CACNA2D3: variants seen among roughly 807,000 people sequenced by gnomAD.
CACNA2D3 encodes the protein calcium voltage-gated channel auxiliary subunit alpha2delta 3, also known as voltage-dependent calcium channel subunit alpha-2/delta-3.
Under a neutral mutation model 160.6 loss-of-function variants are expected in CACNA2D3, and 60 were observed. That is an observed-to-expected ratio of 0.37 (90% confidence interval 0.30 to 0.46). The LOEUF is 0.46. Among genes scored for constraint, CACNA2D3 ranks in the 20% least tolerant of loss-of-function variants. CACNA2D3 has a pLI of 1.00. For missense variants in CACNA2D3, 1,205 were observed against 1,365.0 expected, an observed-to-expected ratio of 0.88 and a Z score of 1.85; for synonymous variants, 558 against 492.9, an observed-to-expected ratio of 1.13 and a Z score of -1.75.
chr3:54,362,031 G>A (rs1399289006), intron 3 of CACNA2D3, among the ~76,000 whole-genome samples: 4 of 152,172 alleles, frequency 2.6e-5, no homozygotes, highest in Admixed American at 6.5e-5. Context: ...AGCATTTCCC[G>A]TAACTGATTT....
intron 4 of CACNA2D3, among the ~76,000 whole-genome samples, chr3:54,401,834 C>T (rs551892048): frequency 6.6e-6 from 1 of 152,134 alleles, no homozygotes; most frequent in South Asian, 2.1e-4. Context: ...TGGTAAAGGT[C>T]AAGTCCAGAA....
At chr3:54,438,808 G>A (rs867171902) in intron 4 of CACNA2D3, among the ~76,000 whole-genome samples, 1 of 152,184 alleles carries the variant, frequency 6.6e-6, no homozygotes, top group African/African-American at 2.4e-5. Context: ...TACAAATGAT[G>A]TACTTGATCT....
chr3:54,641,468 A>G (rs759907219), intron 10 of CACNA2D3, among the ~76,000 whole-genome samples: 2 of 152,222 alleles, frequency 1.3e-5, no homozygotes, highest in African/African-American at 2.4e-5. Flanking sequence ...ATAGATGGCA[A>G]ATATCTCTTT....
At chr3:54,839,218 A>G (rs1369413218) in intron 16 of CACNA2D3, among the ~76,000 whole-genome samples, 13 of 152,192 alleles carry the variant, frequency 8.5e-5, no homozygotes, top group African/African-American at 3.1e-4. Context: ...AAATCGCACC[A>G]CTGCACTGCA....
intron 35 of CACNA2D3, among the ~76,000 whole-genome samples, chr3:55,035,144 G>C (rs1703785961): frequency 6.6e-6 from 1 of 152,154 alleles, no homozygotes; most frequent in South Asian, 2.1e-4. Flanking sequence ...TAAGGTGCTA[G>C]GAGAAGCCTG....
At chr3:54,927,024 A>G (rs1001578264) in intron 27 of CACNA2D3, among the ~76,000 whole-genome samples, 1 of 152,230 alleles carries the variant, frequency 6.6e-6, no homozygotes, top group Non-Finnish European at 1.5e-5. Context: ...ATTTTACTAT[A>G]AAGTGGTAGA....
At chr3:54,927,944 C>T (rs775808922) in intron 27 of CACNA2D3, 13 of 1,611,588 alleles carry the variant, frequency 8.1e-6, no homozygotes, top group Non-Finnish European at 9.3e-6. Flanking sequence ...TTGCTGACCT[C>T]GTAGACCCTT....
chr3:55,036,304 G>A (rs532116699), intron 35 of CACNA2D3, among the ~76,000 whole-genome samples: 19 of 151,760 alleles, frequency 1.3e-4, no homozygotes, highest in Non-Finnish European at 2.1e-4. Flanking sequence ...AGAATTAGCC[G>A]GGCATGATGG....
chr3:54,564,713 C>A (rs1348094185), intron 6 of CACNA2D3, among the ~76,000 whole-genome samples: 1 of 152,156 alleles, frequency 6.6e-6, no homozygotes, highest in African/African-American at 2.4e-5. Context: ...CTATATGAGG[C>A]CCTGAGGATA....
chr3:54,525,885 T>A (rs765500218), intron 5 of CACNA2D3, among the ~76,000 whole-genome samples: 2 of 152,212 alleles, frequency 1.3e-5, no homozygotes, highest in African/African-American at 2.4e-5. Context: ...TTCAATAATT[T>A]TAGAAAGTTT....
At chr3:54,750,314 A>G (rs1252319658) in intron 11 of CACNA2D3, among the ~76,000 whole-genome samples, 2 of 152,204 alleles carry the variant, frequency 1.3e-5, no homozygotes, top group Admixed American at 6.5e-5. Context: ...CCTCAGAGGC[A>G]TCTCTTAGGC....
intron 2 of CACNA2D3, among the ~76,000 whole-genome samples, chr3:54,240,188 C>A (rs78518308): frequency 0.011 from 1,607 of 152,092 alleles, 25 homozygotes; most frequent in East Asian, 0.046. Flanking sequence ...GAAAAGAATT[C>A]ATTGGTGATG....
chr3:54,671,689 A>G (rs1024730430), intron 11 of CACNA2D3, among the ~76,000 whole-genome samples: 4 of 152,144 alleles, frequency 2.6e-5, no homozygotes, highest in African/African-American at 4.8e-5. Context: ...GCTCTCTCCC[A>G]GCAGAATTAT....
chr3:54,907,147 T>G (rs1274063660), intron 27 of CACNA2D3, among the ~76,000 whole-genome samples: 1 of 152,172 alleles, frequency 6.6e-6, no homozygotes, highest in African/African-American at 2.4e-5. Context: ...TACCTGCTTG[T>G]GTGTTCTAAA....
rs139481103 is a variant in CACNA2D3, at chr3:54,474,108, T to C, written c.382-29384T>C. Among the ~76,000 whole-genome samples the C allele has an allele frequency of 5.3e-3, 812 of 152,330 alleles. 10 individuals carry two copies. The highest frequency in any genetic ancestry group is 0.017 in the African/African-American group (708 of 41,560). ...ACAGACATATGCACGCATATGTTTATTGCAGCACTATTCACAATAGCAAAG... is the reference window on the plus strand; with the variant it reads ...ACAGACATATGCACGCATATGTTTACTGCAGCACTATTCACAATAGCAAAG... On this transcript the variant is annotated intron_variant, in intron 4 of 37. Transcript: ENST00000474759.
At chr3:54,606,149 T>C (rs1412784834) in intron 9 of CACNA2D3, among the ~76,000 whole-genome samples, 1 of 151,972 alleles carries the variant, frequency 6.6e-6, no homozygotes, top group Non-Finnish European at 1.5e-5. Context: ...TAACTTTATA[T>C]ATATATATAT....
chr3:54,509,192 G>T (rs56309833), intron 5 of CACNA2D3, among the ~76,000 whole-genome samples: 1 of 152,078 alleles, frequency 6.6e-6, no homozygotes, highest in Non-Finnish European at 1.5e-5. Context: ...TGTTTTCCAA[G>T]AGCTATTTGA....
chr3:54,198,249 G>A (rs1010958827), intron 2 of CACNA2D3, among the ~76,000 whole-genome samples: 1 of 152,190 alleles, frequency 6.6e-6, no homozygotes, highest in African/African-American at 2.4e-5. Flanking sequence ...GCCTATCTGA[G>A]GACAAGAGGC....
intron 5 of CACNA2D3, among the ~76,000 whole-genome samples, chr3:54,522,081 A>G (rs1278969590): frequency 1.3e-5 from 2 of 152,152 alleles, no homozygotes; most frequent in East Asian, 3.9e-4. Context: ...CAAAGAGGTC[A>G]CCTGGGATTC....
Sources: gnomAD v4.1 joint callset for allele counts (sites outside exome capture counted in the v4.1 genomes callset) on GRCh38, gnomAD v4.1.1 for gene constraint, MANE v1.5 for transcripts, NCBI Gene and HGNC (gene_info 2026-07-23, HGNC 2026-07-21) for gene names.